Variants in UBAC2 observed in about 807,000 individuals in gnomAD.
The protein encoded by UBAC2 is ubiquitin-associated domain-containing protein 2.
In UBAC2, 26 loss-of-function variants were observed where a neutral mutation model predicts 44.0. That is an observed-to-expected ratio of 0.59 (90% CI 0.43 to 0.82). The LOEUF is 0.82. Among genes scored for constraint, UBAC2 ranks in the 40% least tolerant of loss-of-function variants. UBAC2 has a pLI of 0.00. For missense variants in UBAC2, 329 were observed against 419.4 expected (o/e 0.78, Z 1.88); for synonymous variants, 155 against 154.3 (o/e 1.00, Z -0.04).
chr13:99,351,755 G>A, intron 7 of UBAC2: 1 of 456,736 alleles, frequency 2.2e-6, no homozygotes, highest in South Asian at 1.5e-5. Flanking sequence ...CCTGCTTGTT[G>A]GTACAAGCCA....
At chr13:99,280,315 A>C (rs969074753) in intron 4 of UBAC2, among the ~76,000 whole-genome samples, 2 of 152,268 alleles carry the variant, frequency 1.3e-5, no homozygotes, top group Middle Eastern at 3.4e-3. Flanking sequence ...AAATTGCATT[A>C]CTCACTACTG....
rs2045533684 is a variant in UBAC2 at position 99,380,248 on chromosome 13, A to ACCTGACTGCACGTCTGCG, written c.928-4978_928-4961dup. 3.3e-5 allele frequency among the ~76,000 whole-genome samples: 5 copies of ACCTGACTGCACGTCTGCG among 152,300 alleles called. No homozygotes were observed. In the South Asian group the frequency reaches 1.0e-3, roughly 32 times the overall value. On this transcript the variant is annotated intron_variant, in intron 8 of 8. Transcript: ENST00000403766. ...GGAATGCTTAACGTGTGTTTTGCTT[A>ACCTGACTGCACGTCTGCG]CCTGACTGCACGTCTGCGCAGGCCT...
chr13:99,215,413 T>C, intron 1 of UBAC2: 2 of 1,294,872 alleles, frequency 1.5e-6, no homozygotes, highest in South Asian at 1.2e-5. Context: ...ATCAGAGATT[T>C]GTGGATGTGT....
At chr13:99,356,123 G>A (rs776941769) in intron 7 of UBAC2, 6 of 530,320 alleles carry the variant, frequency 1.1e-5, no homozygotes, top group African/African-American at 3.9e-5. Flanking sequence ...ACACATGTCT[G>A]TCAGACTGTA....
intron 7 of UBAC2, among the ~76,000 whole-genome samples, chr13:99,343,007 C>T (rs141512164): frequency 7.9e-5 from 12 of 152,352 alleles, no homozygotes; most frequent in Non-Finnish European, 1.3e-4. Context: ...TCATGAGGGG[C>T]CCACCAGCTG....
chr13:99,363,012 A>C lies in UBAC2; in HGVS notation c.808-4775A>C, dbSNP rs564268428. On this transcript the variant is annotated intron_variant, in intron 7 of 8. Transcript: ENST00000403766. ...CCTATTTCTTCAAAAAAATTTTCAC[A>C]GTTTGGCTTTCCACATTTAAATCTT... is the stretch of plus-strand genomic sequence containing the variant. 5.5e-5 allele frequency among the ~76,000 whole-genome samples: 8 copies of C among 144,558 alleles called. No homozygotes were observed. The South Asian group carries it at 1.1e-3, about 19-fold the overall frequency. The allele number at this position is 144,558 out of a possible 152,430, so 94.8% of individuals were successfully genotyped here.
intron 1 of UBAC2, among the ~76,000 whole-genome samples, chr13:99,221,631 A>G (rs1435457614): frequency 3.3e-5 from 5 of 151,976 alleles, no homozygotes; most frequent in Non-Finnish European, 5.9e-5. Flanking sequence ...CTTCTTTTCT[A>G]TGGCCACTCT....
intron 6 of UBAC2, among the ~76,000 whole-genome samples, chr13:99,327,192 G>A (rs1006000725): frequency 2.0e-5 from 3 of 152,150 alleles, no homozygotes; most frequent in Non-Finnish European, 2.9e-5. Flanking sequence ...TCAATCTGAA[G>A]TAAAGAAACA....
At chr13:99,308,703 C>T (rs1367835106) in intron 4 of UBAC2, 1 of 152,114 alleles carries the variant, frequency 6.6e-6, no homozygotes, top group Non-Finnish European at 1.5e-5. Flanking sequence ...GTTCTTCTAA[C>T]GTCTAAAGTG....
rs2043704988 is a variant in UBAC2 at position 99,263,921 on chromosome 13, TTTCAAAA to T, written c.389+19298_389+19304del. On this transcript the variant is annotated intron_variant, in intron 4 of 8. Coordinates refer to ENST00000403766, the MANE Select transcript of UBAC2 (RefSeq NM_001144072.2). Reference sequence around the variant, plus strand: ...TATCATATGATTCCATTTGTATAAATTTCAAAAAGCAGATGAAATGAAAATACAGTGC... The same window carrying T: ...TATCATATGATTCCATTTGTATAAATAGCAGATGAAATGAAAATACAGTGC... Among the ~76,000 whole-genome samples the T allele has an allele frequency of 2.0e-5, 3 of 152,168 alleles. No homozygotes were observed. In the South Asian group the frequency reaches 6.2e-4, roughly 32 times the overall value.
chr13:99,292,280 C>T (rs577583278), intron 4 of UBAC2, among the ~76,000 whole-genome samples: 5 of 151,896 alleles, frequency 3.3e-5, no homozygotes, highest in Non-Finnish European at 5.9e-5. Flanking sequence ...GGACTACAGG[C>T]GCCCACCACC....
intron 8 of UBAC2, among the ~76,000 whole-genome samples, chr13:99,382,875 C>A (rs1297875268): frequency 6.6e-6 from 1 of 152,176 alleles, no homozygotes; most frequent in African/African-American, 2.4e-5. Flanking sequence ...CACAGCAGAA[C>A]AAGCCACGGT....
At chr13:99,286,754 A>G (rs2044023858) in intron 4 of UBAC2, among the ~76,000 whole-genome samples, 1 of 152,192 alleles carries the variant, frequency 6.6e-6, no homozygotes, top group Non-Finnish European at 1.5e-5. Context: ...ACAAACATGC[A>G]GAATTTAGTT....
Position 99,255,275 on chromosome 13 carries a change from A to G in UBAC2, c.389+10651A>G, listed in dbSNP as rs1252279600. ...AAGTAGCACCCAATCATGATGAACA[A>G]AGGAATCAAGAAAAAAAATGTCAGT... On this transcript the variant is annotated intron_variant, in intron 4 of 8. Transcript: ENST00000403766. The G allele has an allele frequency of 5.6e-6, 9 of 1,614,020 alleles. No individual in the cohort carries two copies. In the South Asian group the frequency reaches 6.6e-5, roughly 12 times the overall value.
At chr13:99,243,704 T>G in intron 2 of UBAC2, 128 bp from the exon 3 acceptor site, 1 of 789,944 alleles carries the variant, frequency 1.3e-6, no homozygotes, top group Non-Finnish European at 2.0e-6. Context: ...TAGTTTTCCT[T>G]TGGTGTGTGC....
At chr13:99,316,657 C>T (rs563413680) in intron 5 of UBAC2, among the ~76,000 whole-genome samples, 2 of 152,320 alleles carry the variant, frequency 1.3e-5, no homozygotes, top group Admixed American at 1.3e-4. Context: ...ACTGTGAAGA[C>T]ATAGGCAGAC....
At chr13:99,232,399 G>GAAATAGATATATATATATAT (rs1367302629) in intron 1 of UBAC2, among the ~76,000 whole-genome samples, 2 of 109,902 alleles carry the variant, frequency 1.8e-5, no homozygotes, top group Non-Finnish European at 4.2e-5. Context: ...TTAGTTGAGA[G>GAAATAGATATATATATATAT]ATATAGATAT....
chr13:99,264,337 A>G (rs1050703422), intron 4 of UBAC2, among the ~76,000 whole-genome samples: 5 of 152,194 alleles, frequency 3.3e-5, no homozygotes, highest in African/African-American at 7.2e-5. Context: ...AGCCTCTGGG[A>G]CAGAGAACAG....
At chr13:99,294,935 G>A in intron 4 of UBAC2, 2 of 1,047,966 alleles carry the variant, frequency 1.9e-6, no homozygotes, top group Non-Finnish European at 1.4e-6. Context: ...AGATGGGAAA[G>A]TGCCCAATGA....
Sources: allele counts gnomAD v4.1 joint callset (sites outside exome capture counted in the v4.1 genomes callset), GRCh38; gene constraint gnomAD v4.1.1; transcripts MANE v1.5; gene names NCBI Gene and HGNC (gene_info 2026-07-23, HGNC 2026-07-21).